The following SYMPK variants were observed in gnomAD, a reference collection of about 807,000 sequenced individuals.
SYMPK encodes symplekin scaffold protein.
Under a neutral mutation model 136.4 loss-of-function variants are expected in SYMPK, and 49 were observed. The observed-to-expected ratio is 0.36, with a 90% CI of 0.29 to 0.46. The LOEUF is 0.46. Among genes scored for constraint, SYMPK ranks in the 20% least tolerant of loss-of-function variants. The pLI is 1.00. For synonymous variants in SYMPK, 766 were observed against 713.0 expected (o/e 1.07, Z -1.19); for missense variants, 1,365 against 1,690.0 (o/e 0.81, Z 3.37).
chr19:45,842,709 C>T (rs1971471946), intron 8 of SYMPK: 1 of 577,372 alleles, frequency 1.7e-6, no homozygotes, highest in Non-Finnish European at 3.0e-6. Flanking sequence ...AAAAACTCAC[C>T]CTCTCTTTTA....
chr19:45,850,904 A>G (rs1204389619), intron 5 of SYMPK, among the ~76,000 whole-genome samples: 1 of 151,674 alleles, frequency 6.6e-6, no homozygotes, highest in Admixed American at 6.6e-5. Context: ...GGCAGGAAGG[A>G]ATTTCTGAGG....
intron 14 of SYMPK, 161 bp from the exon 15 acceptor site, chr19:45,828,079 A>C (rs1190422472): frequency 3.2e-6 from 2 of 617,474 alleles, no homozygotes; most frequent in Non-Finnish European, 5.8e-6. Flanking sequence ...AACAGGGTTC[A>C]AAAGCTGGCG....
At chr19:45,846,740 G>T (rs902068269) in intron 7 of SYMPK, among the ~76,000 whole-genome samples, 1 of 152,060 alleles carries the variant, frequency 6.6e-6, no homozygotes, top group African/African-American at 2.4e-5. Context: ...AGGACTGAGG[G>T]AGGGGACATT....
intron 1 of SYMPK, among the ~76,000 whole-genome samples, chr19:45,857,738 G>A (rs574092745): frequency 3.3e-5 from 5 of 151,160 alleles, no homozygotes; most frequent in Middle Eastern, 3.4e-3. Context: ...TGATCCGCCC[G>A]CCTTGGCCTC....
At chr19:45,845,969 G>A (rs1971549809) in intron 7 of SYMPK, among the ~76,000 whole-genome samples, 1 of 152,228 alleles carries the variant, frequency 6.6e-6, no homozygotes, top group Non-Finnish European at 1.5e-5. Context: ...GGGCGCGGTG[G>A]CTCACGCCTG....
chr19:45,823,093 A>T (rs938680987), intron 20 of SYMPK, among the ~76,000 whole-genome samples: 18 of 152,168 alleles, frequency 1.2e-4, no homozygotes, highest in African/African-American at 4.3e-4. Context: ...AGAGGAGAAA[A>T]GCGAGTCTCA....
intron 14 of SYMPK, chr19:45,828,129 C>A (rs1292894400): frequency 1.5e-5 from 8 of 539,472 alleles, no homozygotes; most frequent in Non-Finnish European, 2.3e-5. Context: ...CTCTGAAACT[C>A]ATTTCTTCCG....
chr19:45,840,096 T>C (rs1971399583), intron 9 of SYMPK, among the ~76,000 whole-genome samples: 2 of 152,004 alleles, frequency 1.3e-5, no homozygotes. Flanking sequence ...GTGGATTACC[T>C]GAGGTCAGGA....
In SYMPK at chr19:45,848,770, G is replaced by A. The variant is rs1971625795; in HGVS notation, c.406C>T (p.Leu136Phe). 3 of 1,613,792 alleles carry A rather than the reference G, an allele frequency of 1.9e-6. No homozygotes were observed. Among genetic ancestry groups the A allele is most frequent in the East Asian group, 4.5e-5 (2 of 44,888 alleles). Residue 136 changes from leucine to phenylalanine, a missense_variant, in exon 6 of 27, where the codon CTC (leucine) becomes TTC (phenylalanine). By Grantham distance (22) the Leu-to-Phe change is conservative. Around this residue, in one of 11 missense-constraint regions of SYMPK, gnomAD observed 237 missense variants for 292.9 expected, o/e 0.81. Transcript: ENST00000245934. ...VKKAILTMTQ[L>F]YKVALQWMVK... is the part of the protein sequence containing the mutation. ...CTCACCTGCAGGGCCACCTTGTAGA[G>A]CTGGGTCATGGTGAGGATAGCCTTC... is the stretch of plus-strand genomic sequence containing the variant.
intron 10 of SYMPK, among the ~76,000 whole-genome samples, chr19:45,836,066 G>C (rs901734596): frequency 3.9e-5 from 6 of 152,002 alleles, no homozygotes; most frequent in Non-Finnish European, 8.8e-5. Context: ...AGTAACAAAA[G>C]ATAATTTCCT....
At chr19:45,849,119 A>G (rs1028284416) in intron 5 of SYMPK, among the ~76,000 whole-genome samples, 1 of 152,190 alleles carries the variant, frequency 6.6e-6, no homozygotes, top group African/African-American at 2.4e-5. Context: ...CATAAGGGAC[A>G]GTAGGGGCAG....
intron 5 of SYMPK, among the ~76,000 whole-genome samples, chr19:45,851,857 G>A (rs1971703645): frequency 6.6e-6 from 1 of 152,116 alleles, no homozygotes; most frequent in Non-Finnish European, 1.5e-5. Flanking sequence ...CTGGACAACA[G>A]TTGAGCGAGA....
At chr19:45,834,576 T>C (rs2146320094) in intron 11 of SYMPK, among the ~76,000 whole-genome samples, 1 of 152,284 alleles carries the variant, frequency 6.6e-6, no homozygotes, top group East Asian at 1.9e-4. Context: ...ATCCCTAAGA[T>C]ACCTCATTAT....
Position 45,835,072 on chromosome 19 carries a change from A to T in SYMPK, c.1393+6T>A. On this transcript the variant is annotated splice_donor_region_variant and intron_variant, in intron 11 of 26. Coordinates refer to ENST00000245934, the MANE Select transcript of SYMPK (RefSeq NM_004819.3). ...CTGGCCCAGGTTAGGGCCAGGACAC[A>T]CTCACCTGGTCCCAGTCCGGCAGCT... 6.3e-7 allele frequency: 1 copy of T among 1,586,504 alleles called. No individual in the cohort carries two copies. Among genetic ancestry groups the T allele is most frequent in the Non-Finnish European group, 8.6e-7 (1 of 1,165,764 alleles).
chr19:45,847,511 CTA>C lies in SYMPK; in HGVS notation c.676+239_676+240del, dbSNP rs1373565312. Among the ~76,000 whole-genome samples the C allele has an allele frequency of 7.2e-5, 11 of 151,918 alleles. No individual in the cohort carries two copies. In the South Asian group the frequency reaches 1.9e-3, roughly 26 times the overall value. ...TCACTACAAACCTGTGAGAGTGGTA[CTA>C]TGTTATCGTCTCCAATTTACAAAAA... On this transcript the variant is annotated intron_variant, in intron 7 of 26. Transcript: ENST00000245934.
chr19:45,861,436 A>G (rs1439697452), intron 1 of SYMPK, among the ~76,000 whole-genome samples: 1 of 152,130 alleles, frequency 6.6e-6, no homozygotes, highest in African/African-American at 2.4e-5. Context: ...TTTCCCTTTC[A>G]TTTACAAAAA....
In SYMPK at chr19:45,816,207, G is replaced by C. The variant is rs144383516; in HGVS notation, c.3355-24C>G. 1.1e-3 allele frequency: 1,671 copies of C among 1,466,290 alleles called. 18 individuals carry two copies. In the African/African-American group the frequency reaches 0.021, roughly 18 times the overall value. The allele number at this position is 1,466,290 out of a possible 1,614,324, so 90.8% of individuals were successfully genotyped here. Reference sequence around the variant, plus strand: ...TCCTGGGGATAGGGAGGGCCACACAGAAGCTCAGAGGTGGGTGGCTCAGAG... The same window carrying C: ...TCCTGGGGATAGGGAGGGCCACACACAAGCTCAGAGGTGGGTGGCTCAGAG... On this transcript the variant is annotated intron_variant, in intron 25 of 26. Transcript: ENST00000245934.
rs1970907350 is a variant in SYMPK at position 45,821,829 on chromosome 19, CAG to C, written c.2792-346_2792-345del. Among the ~76,000 whole-genome samples, 2 of 152,150 alleles carry C rather than the reference CAG, an allele frequency of 1.3e-5. No homozygotes were observed. On this transcript the variant is annotated intron_variant, in intron 21 of 26. Coordinates refer to ENST00000245934, the MANE Select transcript of SYMPK (RefSeq NM_004819.3). The surrounding 1 kb of genome is among the most constrained non-coding windows in gnomAD (Gnocchi z 4.4). ...CCCCAACACAGACTCCACCGCGGCA[CAG>C]GGGGTCATGGGCATTTGTGGCACAG...
chr19:45,862,765 G>A (rs1972003208), intron 1 of SYMPK, among the ~76,000 whole-genome samples: 1 of 152,224 alleles, frequency 6.6e-6, no homozygotes, highest in Non-Finnish European at 1.5e-5. Flanking sequence ...GAAAGCGCAT[G>A]GCAAGTTTAA....
Sources: gnomAD v4.1 joint callset for allele counts (sites outside exome capture counted in the v4.1 genomes callset) on GRCh38, gnomAD v4.1.1 for gene constraint, gnomAD v4.1.1 regional missense constraint, Gnocchi (gnomAD v3.1) non-coding constraint, MANE v1.5 for transcripts, NCBI Gene and HGNC (gene_info 2026-07-23, HGNC 2026-07-21) for gene names.